The following NCKAP5 variants were observed in gnomAD, a reference collection of about 807,000 sequenced individuals.
NCKAP5 encodes nck-associated protein 5.
In NCKAP5, 92 loss-of-function variants were observed where a neutral mutation model predicts 167.0. That is an observed-to-expected ratio of 0.55 (90% CI 0.47 to 0.66). The LOEUF is 0.66. Among genes scored for constraint, NCKAP5 ranks in the 30% least tolerant of loss-of-function variants. NCKAP5 has a pLI of 0.00. For missense variants in NCKAP5, 2,378 were observed against 2,315.0 expected (o/e 1.03, Z -0.56); for synonymous variants, 891 against 877.4 (o/e 1.02, Z -0.27).
chr2:133,659,908 C>T, the NCKAP5 span, among the ~76,000 whole-genome samples: 1 of 152,178 alleles, frequency 6.6e-6, no homozygotes, highest in South Asian at 2.1e-4. Context: ...GCATATTATA[C>T]ATATATAAGC....
intron 19 of NCKAP5, among the ~76,000 whole-genome samples, chr2:132,707,011 G>A (rs1355040658): frequency 2.6e-5 from 4 of 152,132 alleles, no homozygotes; most frequent in Admixed American, 6.5e-5. Flanking sequence ...CAGGAACACC[G>A]AATTGAACAA....
intron 16 of NCKAP5, among the ~76,000 whole-genome samples, chr2:132,747,423 G>A (rs191613219): frequency 9.9e-5 from 15 of 152,236 alleles, no homozygotes; most frequent in South Asian, 8.3e-4. Flanking sequence ...TTCAATAATC[G>A]TGGGAAATAG....
At chr2:132,870,893 A>G (rs1282731262) in intron 9 of NCKAP5, among the ~76,000 whole-genome samples, 3 of 151,946 alleles carry the variant, frequency 2.0e-5, no homozygotes, top group Admixed American at 2.0e-4. Context: ...TCACACCACA[A>G]GCAGTAAAAG....
intron 3 of NCKAP5, among the ~76,000 whole-genome samples, chr2:133,447,152 C>T (rs1381043976): frequency 6.6e-6 from 1 of 152,108 alleles, no homozygotes. Flanking sequence ...TCCATCTCTA[C>T]CCGCCATCAA....
intron 2 of NCKAP5, among the ~76,000 whole-genome samples, chr2:133,553,516 C>T (rs143295557): frequency 2.0e-5 from 3 of 152,102 alleles, no homozygotes; most frequent in African/African-American, 7.2e-5. Flanking sequence ...CCAGGAATTA[C>T]GGTGGTTGTG....
chr2:132,793,528 AC>A (rs1357921868), intron 12 of NCKAP5, among the ~76,000 whole-genome samples: 3 of 152,222 alleles, frequency 2.0e-5, no homozygotes, highest in Non-Finnish European at 2.9e-5. Flanking sequence ...AGTATTTTTA[AC>A]AAGTTCCCAG....
At chr2:132,981,670 A>G (rs1426337588) in intron 7 of NCKAP5, among the ~76,000 whole-genome samples, 1 of 152,152 alleles carries the variant, frequency 6.6e-6, no homozygotes, top group Non-Finnish European at 1.5e-5. Flanking sequence ...AAATCACTTT[A>G]GGGAAATTAT....
rs942963977 is a variant in NCKAP5, at chr2:132,997,767, T to A, written c.342-3528A>T. ...CCCAAGAAGGCAACAATACCATTTC[T>A]GACCTGGGGAGAGCATGAGAAAAAC... On this transcript the variant is annotated intron_variant, in intron 6 of 19. Transcript: ENST00000409261. Among the ~76,000 whole-genome samples, 13 of 151,720 alleles carry A rather than the reference T, an allele frequency of 8.6e-5. 1 individual carries two copies. Among genetic ancestry groups the A allele is most frequent in the African/African-American group, 3.1e-4 (13 of 41,286 alleles).
At chr2:133,278,740 G>A (rs938326986) in intron 4 of NCKAP5, among the ~76,000 whole-genome samples, 30 of 143,444 alleles carry the variant, frequency 2.1e-4, no homozygotes, top group African/African-American at 7.8e-4. Flanking sequence ...GAAAACATTT[G>A]TAGTGATCAC....
intron 3 of NCKAP5, among the ~76,000 whole-genome samples, chr2:133,346,798 C>T (rs536721268): frequency 6.6e-6 from 1 of 152,342 alleles, no homozygotes; most frequent in East Asian, 1.9e-4. Context: ...GAGTGGGAAT[C>T]ACCCTGGTAT....
At chr2:133,203,479 T>C (rs547289293) in intron 5 of NCKAP5, among the ~76,000 whole-genome samples, 5 of 152,152 alleles carry the variant, frequency 3.3e-5, no homozygotes, top group African/African-American at 9.7e-5. Flanking sequence ...ACATGGTACA[T>C]GTATACATAT....
In NCKAP5 at chr2:133,432,952, T is replaced by C. The variant is rs147608429; in HGVS notation, c.69+84506A>G. Reference sequence around the variant, plus strand: ...TCTTTATTTTTGTGATCTCTCCATATGTTAGATTCCCAAAAGGAGAATTAA... The same window carrying C: ...TCTTTATTTTTGTGATCTCTCCATACGTTAGATTCCCAAAAGGAGAATTAA... On this transcript the variant is annotated intron_variant, in intron 3 of 19. Transcript: ENST00000409261. 3.5e-4 allele frequency among the ~76,000 whole-genome samples: 53 copies of C among 152,338 alleles called. No individual in the cohort carries two copies. In the East Asian group the frequency reaches 0.01, roughly 29 times the overall value.
the NCKAP5 span, among the ~76,000 whole-genome samples, chr2:133,603,147 G>A: frequency 1.3e-5 from 2 of 152,014 alleles, no homozygotes; most frequent in African/African-American, 2.4e-5. Context: ...CAGCCTCCTC[G>A]GAGCCTCCCA....
At chr2:132,906,766 C>T (rs1324005120) in intron 8 of NCKAP5, among the ~76,000 whole-genome samples, 3 of 152,184 alleles carry the variant, frequency 2.0e-5, no homozygotes, top group African/African-American at 7.2e-5. Flanking sequence ...CTCTTTATTA[C>T]AGTTGAGGTT....
chr2:133,415,072 A>G lies in NCKAP5; in HGVS notation c.69+102386T>C, dbSNP rs182926847. 8.5e-5 allele frequency among the ~76,000 whole-genome samples: 13 copies of G among 152,294 alleles called. No homozygotes were observed. The East Asian group carries it at 2.3e-3, about 27-fold the overall frequency. ...TACACAGGCCAAGCGGCTGCTGTCC[A>G]TTATGTCTCAGATTGATTCAGTTTG... On this transcript the variant is annotated intron_variant, in intron 3 of 19. Transcript: ENST00000409261.
In NCKAP5 at chr2:132,692,222, A is replaced by C. The variant is rs143875501; in HGVS notation, c.5714-18917T>G. ...CAGTGGCGCAATCTTGGCTCACTGC[A>C]ACCTCCACCTCCCAGGCTCAAATGA... is the stretch of plus-strand genomic sequence containing the variant. On this transcript the variant is annotated intron_variant, in intron 19 of 19. Coordinates refer to ENST00000409261, the MANE Select transcript of NCKAP5 (RefSeq NM_207363.3). 2.0e-3 allele frequency among the ~76,000 whole-genome samples: 305 copies of C among 151,920 alleles called. 1 individual carries two copies. Among genetic ancestry groups the C allele is most frequent in the African/African-American group, 7.1e-3 (295 of 41,396 alleles).
At chr2:132,714,540 A>G (rs756265976) in intron 19 of NCKAP5, among the ~76,000 whole-genome samples, 17 of 152,294 alleles carry the variant, frequency 1.1e-4, no homozygotes, top group East Asian at 1.9e-4. Context: ...CTTAATGGCC[A>G]GGCACAGTGG....
At chr2:132,835,437 G>T (rs1186057416) in intron 11 of NCKAP5, among the ~76,000 whole-genome samples, 1 of 152,134 alleles carries the variant, frequency 6.6e-6, no homozygotes, top group Admixed American at 6.5e-5. Context: ...CTCCTGAGAT[G>T]ATTTTTGTCT....
intron 19 of NCKAP5, among the ~76,000 whole-genome samples, chr2:132,675,230 A>T (rs2104975464): frequency 6.6e-6 from 1 of 152,350 alleles, no homozygotes; most frequent in Non-Finnish European, 1.5e-5. Context: ...CAGGGTGATC[A>T]TTGAGGCCCT....
Sources: allele counts gnomAD v4.1 joint callset (sites outside exome capture counted in the v4.1 genomes callset), GRCh38; gene constraint gnomAD v4.1.1; transcripts MANE v1.5; gene names NCBI Gene and HGNC (gene_info 2026-07-23, HGNC 2026-07-21).